PTPN18: variants seen among roughly 807,000 people sequenced by gnomAD.
The protein encoded by PTPN18 is protein tyrosine phosphatase non-receptor type 18.
In PTPN18, 65 loss-of-function variants were observed where a neutral mutation model predicts 65.4. The observed-to-expected ratio is 0.99, with a 90% CI of 0.81 to 1.22. The LOEUF is 1.22. Among genes scored for constraint, PTPN18 ranks in the 50% most tolerant of loss-of-function variants. PTPN18 has a pLI of 0.00. For synonymous variants in PTPN18, 255 were observed against 267.8 expected, an observed-to-expected ratio of 0.95 and a Z score of 0.47; for missense variants, 616 against 646.5, an observed-to-expected ratio of 0.95 and a Z score of 0.51.
intron 6 of PTPN18, among the ~76,000 whole-genome samples, 181 bp downstream of exon 6, chr2:130,369,382 A>G (rs947982313): frequency 6.6e-6 from 1 of 152,248 alleles, no homozygotes; most frequent in Non-Finnish European, 1.5e-5. Flanking sequence ...GGCTACAATC[A>G]GTTAATCTCT....
intron 11 of PTPN18, 66 bp downstream of exon 11, chr2:130,371,030 AGGGTCCAGCCCCCG>A: frequency 6.5e-7 from 1 of 1,532,018 alleles, no homozygotes; most frequent in Non-Finnish European, 9.0e-7. Flanking sequence ...GACCCCGAGC[AGGGTCCAGCCCCCG>A]GGACTACTGG....
At position 130,372,423 on chromosome 2, in the gene PTPN18, C is replaced by G. The variant is rs1680600253; in HGVS notation, c.1180C>G (p.Pro394Ala). 9 of 1,366,664 alleles carry G rather than the reference C, an allele frequency of 6.6e-6. 1 individual carries two copies. The South Asian group carries it at 1.4e-4, about 21-fold the overall frequency. The allele number at this position is 1,366,664 out of a possible 1,614,324, so 84.7% of individuals were successfully genotyped here. A position where few individuals can be genotyped will look rare whatever the true frequency, so the allele number is the denominator to read the frequency against. ...GGCGCCGCTCTACAGCAAGGTGACG[C>G]CGCGCGCCCAGCGACCCGGGGCGCA... ...EEAPLYSKVTPRAQRPGAHAE... is the reference protein window; with the variant it reads ...EEAPLYSKVTARAQRPGAHAE... The change falls in exon 13 of 15, where the codon CCG becomes GCG. Residue 394 changes from proline to alanine, a missense_variant. Physicochemically the swap from Pro to Ala is conservative, Grantham distance 27 (BLOSUM62 -1). Coordinates refer to ENST00000175756, the MANE Select transcript of PTPN18 (RefSeq NM_014369.4).
chr2:130,370,413 C>T, intron 8 of PTPN18, 144 bp from the exon 9 acceptor site: 1 of 1,178,784 alleles, frequency 8.5e-7, no homozygotes, highest in South Asian at 1.3e-5. Flanking sequence ...AAAGGTTTTC[C>T]TTGTTCAGAT....
intron 12 of PTPN18, 50 bp downstream of exon 12, chr2:130,371,337 C>T (rs1680560194): frequency 6.9e-7 from 1 of 1,446,856 alleles, no homozygotes; most frequent in Non-Finnish European, 9.5e-7. Flanking sequence ...CTCAGGCTAA[C>T]CCCTTCTTCA....
chr2:130,364,727 C>T (rs193196468), intron 5 of PTPN18, among the ~76,000 whole-genome samples: 9 of 152,296 alleles, frequency 5.9e-5, no homozygotes, highest in East Asian at 3.9e-4. Flanking sequence ...ACCCATGAGG[C>T]GGAGCTTGCA....
chr2:130,363,976 G>C (rs1222078757), intron 5 of PTPN18, among the ~76,000 whole-genome samples: 1 of 151,512 alleles, frequency 6.6e-6, no homozygotes, highest in Non-Finnish European at 1.5e-5. Flanking sequence ...AGCCATCCTA[G>C]GGGTTGTGAA....
chr2:130,370,755 G>A lies in PTPN18; in HGVS notation c.807G>A (p.Lys269=). The change falls in exon 10 of 15, where the codon AAG becomes AAA. Residue 269 remains lysine, a synonymous_variant. Coordinates refer to ENST00000175756, the MANE Select transcript of PTPN18 (RefSeq NM_014369.4). ...SLFDVVLKMR[K]QRPAAVQTEE... is the part of the protein sequence containing the mutation. ...TTGATGTGGTCCTTAAGATGAGGAA[G>A]CAGCGGCCTGCGGCCGTGCAGACAG... is the stretch of plus-strand genomic sequence containing the variant. 1.2e-6 allele frequency: 2 copies of A among 1,614,226 alleles called. No individual in the cohort carries two copies. The highest frequency in any genetic ancestry group is 1.7e-6 in the Non-Finnish European group (2 of 1,180,034).
chr2:130,364,913 T>G (rs1489491776), intron 5 of PTPN18, among the ~76,000 whole-genome samples: 1 of 152,238 alleles, frequency 6.6e-6, no homozygotes, highest in African/African-American at 2.4e-5. Context: ...GATAACGCTA[T>G]GTTCAACATT....
chr2:130,359,822 A>G, intron 5 of PTPN18, 176 bp downstream of exon 5: 1 of 769,960 alleles, frequency 1.3e-6, no homozygotes, highest in East Asian at 2.7e-5. Flanking sequence ...TTCATCCCCC[A>G]GTGTTGGCAA....
intron 3 of PTPN18, 25 bp from the exon 4 acceptor site, chr2:130,359,372 C>CA (rs1483892553): frequency 1.2e-6 from 2 of 1,613,980 alleles, no homozygotes; most frequent in African/African-American, 1.3e-5. Flanking sequence ...CGCAGAATCT[C>CA]AGTCGTGAAT....
chr2:130,356,156 G>A lies in PTPN18; in HGVS notation c.49G>A (p.Ala17Thr), dbSNP rs752344417. Residue 17 changes from alanine to threonine, a missense_variant, in exon 1 of 15, where the codon GCG becomes ACG. Physicochemically the swap from Ala to Thr is moderately conservative, Grantham distance 58. Transcript: ENST00000175756. ...SARSFLERLEARGGREGAVLA... is the reference protein window; with the variant it reads ...SARSFLERLETRGGREGAVLA... ...GCGGAGCTTCCTGGAGCGGCTGGAA[G>A]CGCGGGGCGGCCGGGAGGGGGCAGT... 1.1e-5 allele frequency: 14 copies of A among 1,313,258 alleles called. No individual in the cohort carries two copies. The African/African-American group carries it at 1.9e-4, about 17-fold the overall frequency. 81.4% of individuals were successfully genotyped at this position (1,313,258 alleles called of 1,614,324 possible). A position where few individuals can be genotyped will look rare whatever the true frequency, so the allele number is the denominator to read the frequency against.
chr2:130,359,675 G>A, intron 5 of PTPN18, 29 bp downstream of exon 5: 1 of 1,609,786 alleles, frequency 6.2e-7, no homozygotes, highest in Non-Finnish European at 8.5e-7. Flanking sequence ...CAGGTTTCAT[G>A]TCCTTGTGGG....
At chr2:130,361,984 A>G (rs1680231485) in intron 5 of PTPN18, among the ~76,000 whole-genome samples, 1 of 148,870 alleles carries the variant, frequency 6.7e-6, no homozygotes, top group Non-Finnish European at 1.5e-5. Flanking sequence ...TAGGTGGTGT[A>G]TTGTAGGGAC....
chr2:130,362,671 T>TC (rs1680254192), intron 5 of PTPN18, among the ~76,000 whole-genome samples: 1 of 152,200 alleles, frequency 6.6e-6, no homozygotes, highest in Non-Finnish European at 1.5e-5. Context: ...TAAAATATAC[T>TC]CCACAGTACA....
chr2:130,358,819 C>T, intron 1 of PTPN18, 48 bp from the exon 2 acceptor site: 2 of 1,522,094 alleles, frequency 1.3e-6, no homozygotes, highest in Non-Finnish European at 1.8e-6. Context: ...TGACCTGGCT[C>T]CTCTCCTGTC....
chr2:130,359,326 C>A lies in PTPN18; in HGVS notation c.279+17C>A. On this transcript the variant is annotated intron_variant, in intron 3 of 14. Transcript: ENST00000175756. ...TTCATCCGGGTGAGGGTTGGGGTCA[C>A]GGAAGGAGGTGGACTGGGAGTGGCC... 2 of 1,614,112 alleles carry A rather than the reference C, an allele frequency of 1.2e-6. No individual in the cohort carries two copies. The highest frequency in any genetic ancestry group is 2.2e-5 in the South Asian group (2 of 91,082).
In PTPN18 at chr2:130,374,538, TAAAAG is replaced by T. The variant is rs1280121917; in HGVS notation, c.*1318_*1322del. The stretch of plus-strand genomic sequence containing the variant: ...CTAGGATAAAACATTAAGCGGCTGT[TAAAAG>T]AAATAAAAGGAGGACACGTCTCTGT... On this transcript the variant is annotated 3_prime_UTR_variant, in exon 15 of 15. Coordinates refer to ENST00000175756, the MANE Select transcript of PTPN18 (RefSeq NM_014369.4). 13 of 440,642 alleles carry T rather than the reference TAAAAG, an allele frequency of 3.0e-5. No homozygotes were observed. Among genetic ancestry groups the T allele is most frequent in the African/African-American group, 6.1e-5 (3 of 49,290 alleles). The allele number at this position is 440,642 out of a possible 1,614,324, so 27.3% of individuals were successfully genotyped here. A position where few individuals can be genotyped will look rare whatever the true frequency, so the allele number is the denominator to read the frequency against.
chr2:130,356,790 G>A, intron 1 of PTPN18: 1 of 382,970 alleles, frequency 2.6e-6, no homozygotes, highest in South Asian at 1.9e-5. Context: ...TGGTGAAATG[G>A]GGACATGAAT....
chr2:130,359,627 G>T lies in PTPN18; in HGVS notation c.395G>T (p.Arg132Leu). ...FGVKVILMAC[R>L]EIENGRKRCE... ...GTCTAGGTGATCCTGATGGCCTGTC[G>T]AGAGATAGAGAATGGGCGGGTAGGT... is the stretch of plus-strand genomic sequence containing the variant. Residue 132 changes from arginine to leucine, a missense_variant, in exon 5 of 15, where the codon CGA becomes CTA. Arg to Leu is a moderately radical substitution (Grantham distance 102, BLOSUM62 -2). Coordinates refer to ENST00000175756, the MANE Select transcript of PTPN18 (RefSeq NM_014369.4). The T allele has an allele frequency of 6.2e-7, 1 of 1,614,076 alleles. No homozygotes were observed. The highest frequency in any genetic ancestry group is 1.1e-5 in the South Asian group (1 of 91,068).
Sources: gnomAD v4.1 joint callset for allele counts (sites outside exome capture counted in the v4.1 genomes callset) on GRCh38, gnomAD v4.1.1 for gene constraint, MANE v1.5 for transcripts, NCBI Gene and HGNC (gene_info 2026-07-23, HGNC 2026-07-21) for gene names.